PAK4: variants seen among roughly 807,000 people sequenced by gnomAD.
PAK4 encodes serine/threonine-protein kinase PAK 4.
A neutral mutation model predicts 53.5 loss-of-function variants in PAK4; 49 were observed. That is an observed-to-expected ratio of 0.92 (90% CI 0.73 to 1.16). The LOEUF is 1.16. Ranked by LOEUF, PAK4 falls within the 50% of genes most tolerant of loss-of-function variation. PAK4 has a pLI of 0.00. For missense variants in PAK4, 824 were observed against 850.7 expected (o/e 0.97, Z 0.39); for synonymous variants, 376 against 375.6 (o/e 1.00, Z -0.01).
chr19:39,156,634 G>A (rs989483970), intron 1 of PAK4: 4 of 111,682 alleles, frequency 3.6e-5, no homozygotes, highest in African/African-American at 1.4e-4. Flanking sequence ...CCCGCCCTCC[G>A]TGGGTGGAAA....
chr19:39,148,548 G>GGGTTCAA (rs1315890849), intron 1 of PAK4, among the ~76,000 whole-genome samples: 1 of 125,960 alleles, frequency 7.9e-6, no homozygotes, highest in East Asian at 2.7e-4. Context: ...TCTGCCTCCT[G>GGGTTCAA]GGTTCAAGTG....
chr19:39,165,978 C>A lies in PAK4; in HGVS notation c.-22-3554C>A, dbSNP rs185758125. On this transcript the variant is annotated intron_variant, in intron 1 of 8. Coordinates refer to ENST00000358301, the Ensembl canonical transcript of PAK4. ...CCTCCCTCCAGGATCATATGTGGGA[C>A]TCCGGGTAAAGTGCCTGGAAGAGGG... 1.4e-3 allele frequency among the ~76,000 whole-genome samples: 215 copies of A among 152,276 alleles called. 5 individuals are homozygous for A. The highest frequency in any genetic ancestry group is 7.2e-4 in the Non-Finnish European group (49 of 68,026).
chr19:39,177,720 G>A lies in PAK4; in HGVS notation c.1531G>A (p.Gly511Arg), dbSNP rs141267072. The A allele has an allele frequency of 1.3e-5, 21 of 1,613,612 alleles. No individual in the cohort carries two copies. In the East Asian group the frequency reaches 3.1e-4, roughly 24 times the overall value. Residue 511 changes from glycine to arginine, a missense_variant, in exon 8 of 9, where the codon GGA becomes AGA. Physicochemically the swap from Gly to Arg is moderately radical, Grantham distance 125. Around this residue, in one of 2 missense-constraint regions of PAK4, gnomAD observed 346 missense variants for 415.0 expected, o/e 0.83. Coordinates refer to ENST00000358301, the Ensembl canonical transcript of PAK4. ...GATAATGGTGATTGAGATGGTGGAC[G>A]GAGAGCCCCCCTACTTCAACGAGCC...
At chr19:39,177,940 C>A in intron 8 of PAK4, 131 bp downstream of exon 9, 2 of 1,058,556 alleles carry the variant, frequency 1.9e-6, no homozygotes, top group South Asian at 1.7e-5. Context: ...GCTGGGCCCC[C>A]CACCCCCGGG....
At chr19:39,143,311 C>T (rs901278933) in intron 1 of PAK4, among the ~76,000 whole-genome samples, 5 of 137,300 alleles carry the variant, frequency 3.6e-5, no homozygotes, top group African/African-American at 1.3e-4. Flanking sequence ...AAAAAAAAGG[C>T]TGGGTGTGGT....
rs1341266371 is a variant in PAK4 at position 39,176,682 on chromosome 19, A to G, written c.1452A>G (p.Pro484=). The G allele has an allele frequency of 3.1e-6, 5 of 1,612,356 alleles. No individual in the cohort carries two copies. In the Admixed American group the frequency reaches 8.3e-5, roughly 27 times the overall value. The stretch of plus-strand genomic sequence containing the variant: ...TCGGCACGCCCTACTGGATGGCCCC[A>G]GAGCTCATCTCCCGCCTTCCCTACG... The change falls in exon 7 of 9, where the codon CCA becomes CCG. Residue 484 remains proline (P), a synonymous_variant. Coordinates refer to ENST00000358301, the Ensembl canonical transcript of PAK4.
At chr19:39,177,243 G>A (rs1357949791) in intron 7 of PAK4, among the ~76,000 whole-genome samples, 7 of 152,190 alleles carry the variant, frequency 4.6e-5, no homozygotes, top group African/African-American at 7.2e-5. Flanking sequence ...CGGCAGCTCT[G>A]GGAAGTGTCT....
At chr19:39,151,784 T>C (rs923378001) in intron 1 of PAK4, among the ~76,000 whole-genome samples, 28 of 152,344 alleles carry the variant, frequency 1.8e-4, no homozygotes, top group East Asian at 7.7e-4. Flanking sequence ...TATTTATTTA[T>C]TTTTTTGAGA....
chr19:39,137,305 C>T (rs569433892), intron 1 of PAK4, among the ~76,000 whole-genome samples: 2 of 152,244 alleles, frequency 1.3e-5, no homozygotes, highest in South Asian at 4.1e-4. Context: ...AGGAGAAGGC[C>T]TGGTGTGACC....
intron 1 of PAK4, among the ~76,000 whole-genome samples, chr19:39,158,626 G>A (rs1056324211): frequency 5.9e-5 from 9 of 152,206 alleles, no homozygotes; most frequent in Admixed American, 2.0e-4. Flanking sequence ...GGCCAGATTC[G>A]GGGCAGGAGG....
intron 8 of PAK4, 143 bp downstream of exon 9, chr19:39,177,952 C>G: frequency 1.1e-6 from 1 of 947,860 alleles, no homozygotes; most frequent in Non-Finnish European, 1.5e-6. Context: ...ACCCCCGGGC[C>G]TCATGTGTCT....
At chr19:39,167,893 TGCCAGGCGCGGGGGA>T (rs2144809399) in intron 1 of PAK4, 1 of 152,464 alleles carries the variant, frequency 6.6e-6, no homozygotes, top group East Asian at 1.9e-4. Context: ...CCACGCGCTG[TGCCAGGCGCGGGGGA>T]GCCAGCTGGG....
intron 1 of PAK4, among the ~76,000 whole-genome samples, chr19:39,148,979 A>G (rs938907920): frequency 5.3e-5 from 8 of 152,160 alleles, no homozygotes; most frequent in African/African-American, 1.9e-4. Context: ...ACGATGAGAT[A>G]CTACATCACA....
At chr19:39,137,790 C>T (rs748057210) in intron 1 of PAK4, among the ~76,000 whole-genome samples, 29 of 151,686 alleles carry the variant, frequency 1.9e-4, no homozygotes, top group Non-Finnish European at 2.4e-4. Flanking sequence ...CCTCAGCCTC[C>T]GGAGTAGCTG....
At chr19:39,177,610 T>C in intron 7 of PAK4, 65 bp from the exon 9 acceptor site, 1 of 1,538,040 alleles carries the variant, frequency 6.5e-7, no homozygotes. Context: ...GGTCCCTGCC[T>C]GAGGCCTCCC....
intron 1 of PAK4, among the ~76,000 whole-genome samples, chr19:39,149,296 A>C (rs1287081724): frequency 1.3e-5 from 2 of 152,238 alleles, no homozygotes; most frequent in Non-Finnish European, 2.9e-5. Context: ...ACATGATGGA[A>C]TATTATTCAG....
At chr19:39,159,459 C>T (rs2074248419) in intron 1 of PAK4, among the ~76,000 whole-genome samples, 1 of 152,158 alleles carries the variant, frequency 6.6e-6, no homozygotes, top group Non-Finnish European at 1.5e-5. Flanking sequence ...GATCTTGACT[C>T]ACTGCAACCT....
At chr19:39,159,182 G>A (rs1224568461) in intron 1 of PAK4, among the ~76,000 whole-genome samples, 1 of 152,156 alleles carries the variant, frequency 6.6e-6, no homozygotes, top group East Asian at 1.9e-4. Flanking sequence ...CCTGGGACTG[G>A]GCAGTCGGCT....
Position 39,158,174 on chromosome 19 carries a change from AGT to A in PAK4, c.-22-11354_-22-11353del, listed in dbSNP as rs200897393. Among the ~76,000 whole-genome samples, 1,323 of 142,388 alleles carry A rather than the reference AGT, an allele frequency of 9.3e-3. 20 individuals are homozygous for A. The highest frequency in any genetic ancestry group is 0.032 in the African/African-American group (1,197 of 37,238). 93.4% of individuals were successfully genotyped at this position (142,388 alleles called of 152,430 possible). On this transcript the variant is annotated intron_variant, in intron 1 of 8. Coordinates refer to ENST00000358301, the Ensembl canonical transcript of PAK4. ...GTGTGCACATGTGTGCATGTTTGTGAGTGTGCATGTGTGTGAGCGTGCATGTA... is the reference window on the plus strand; with the variant it reads ...GTGTGCACATGTGTGCATGTTTGTGAGTGCATGTGTGTGAGCGTGCATGTA...
Sources: allele counts gnomAD v4.1 joint callset (sites outside exome capture counted in the v4.1 genomes callset), GRCh38; gene constraint gnomAD v4.1.1; regional missense constraint gnomAD v4.1.1; transcripts MANE v1.5; gene names NCBI Gene and HGNC (gene_info 2026-07-23, HGNC 2026-07-21).